The following COX15 variants were observed in gnomAD, a reference collection of about 807,000 sequenced individuals.
COX15 encodes cytochrome c oxidase assembly factor COX15.
COX15 carries 51 observed loss-of-function variants against 51.9 expected under a neutral mutation model. The ratio of observed to expected loss-of-function variants is 0.98; its 90% CI spans 0.78 to 1.24. The LOEUF is 1.24. COX15 is among the 50% of genes most tolerant of loss of function. COX15 has a pLI of 0.00. For missense variants in COX15, 420 were observed against 501.1 expected, an observed-to-expected ratio of 0.84 and a Z score of 1.55; for synonymous variants, 188 against 190.5, an observed-to-expected ratio of 0.99 and a Z score of 0.11.
At chr10:99,704,798 T>G in the COX15 span, 3 of 951,250 alleles carry the variant, frequency 3.2e-6, no homozygotes, top group Admixed American at 5.2e-5. Flanking sequence ...ATATTTGCCC[T>G]TGGAATTTCT....
the COX15 span, chr10:99,700,970 C>T: frequency 6.2e-7 from 1 of 1,613,264 alleles, no homozygotes; most frequent in Admixed American, 1.7e-5. Flanking sequence ...GTGGTTGATC[C>T]AGGATTACTG....
the COX15 span, chr10:99,702,481 T>C: frequency 2.7e-6 from 4 of 1,506,268 alleles, no homozygotes; most frequent in East Asian, 9.9e-5. Context: ...CTTTTCTCTT[T>C]TTTTAAAATT....
chr10:99,719,719 T>C (rs890144932), intron 6 of COX15, among the ~76,000 whole-genome samples: 1 of 152,050 alleles, frequency 6.6e-6, no homozygotes, highest in Non-Finnish European at 1.5e-5. Context: ...TTGAACTCCC[T>C]GGCTCAAGCA....
At chr10:99,719,367 G>A (rs568002673) in intron 6 of COX15, among the ~76,000 whole-genome samples, 87 of 151,604 alleles carry the variant, frequency 5.7e-4, no homozygotes, top group African/African-American at 1.8e-3. Flanking sequence ...CTATAGGTGC[G>A]CCCTTTGGTA....
chr10:99,723,978 G>A lies in COX15; in HGVS notation c.728C>T (p.Ser243Leu). The A allele has an allele frequency of 2.5e-6, 4 of 1,613,972 alleles. No individual in the cohort carries two copies. Among genetic ancestry groups the A allele is most frequent in the Non-Finnish European group, 3.4e-6 (4 of 1,180,034 alleles). Residue 243 changes from serine to leucine, a missense_variant, in exon 5 of 9, where the codon TCA (serine) becomes TTA (leucine). Ser to Leu is a moderately radical substitution (Grantham distance 145). Transcript: ENST00000016171. Reference sequence around the variant, plus strand: ...TACCTTGTGCGGAGGGAGTAGCAGTGACAGTGAGGTCCACAAGCTGGCACA... The same window carrying A: ...TACCTTGTGCGGAGGGAGTAGCAGTAACAGTGAGGTCCACAAGCTGGCACA... ...LYCASLWTSL[S>L]LLLPPHKLPE...
chr10:99,703,748 G>A, the COX15 span, among the ~76,000 whole-genome samples: 5 of 152,098 alleles, frequency 3.3e-5, no homozygotes, highest in Non-Finnish European at 5.9e-5. Context: ...ACAGGGTCTT[G>A]CTCTGTTGCC....
downstream of COX15, chr10:99,710,305 G>A (rs1249299379): frequency 6.1e-6 from 6 of 985,394 alleles, no homozygotes; most frequent in Non-Finnish European, 7.2e-6. Context: ...TAGTGTTTCA[G>A]TTACTATGTT....
At chr10:99,728,180 G>A (rs935817445) in intron 2 of COX15, among the ~76,000 whole-genome samples, 19 of 152,300 alleles carry the variant, frequency 1.2e-4, no homozygotes, top group African/African-American at 4.6e-4. Context: ...GGAACATCTT[G>A]TCATACTAGA....
chr10:99,715,639 TAAAA>T (rs573115316), intron 8 of COX15, among the ~76,000 whole-genome samples: 1 of 127,470 alleles, frequency 7.8e-6, no homozygotes. Context: ...ACTCCATCTC[TAAAA>T]AAAAAAAAAA....
At position 99,716,339 on chromosome 10, in the gene COX15, G is replaced by A. The variant is rs2036574164; in HGVS notation, c.1101+9C>T. ...GGATACTGTCAGAACAAAAAGAAGTGGTTTATACCTGTGTATACGCCAAAG... is the reference window on the plus strand; with the variant it reads ...GGATACTGTCAGAACAAAAAGAAGTAGTTTATACCTGTGTATACGCCAAAG... On this transcript the variant is annotated intron_variant, in intron 8 of 8. Transcript: ENST00000016171. The A allele has an allele frequency of 2.5e-6, 4 of 1,580,544 alleles. No homozygotes were observed. The East Asian group carries it at 8.9e-5, about 35-fold the overall frequency.
In COX15 at chr10:99,714,629, A is replaced by G. The variant is rs2133568007; in HGVS notation, c.1191T>C (p.Gly397=). ...HQSGSLALLT[G]ALWLMNELRR... is the part of the protein sequence containing the mutation. ...GGAGTTCATTCATCAGCCAAAGAGC[A>G]CCAGTGAGCAAAGCCAAGGAGCCTG... Residue 397 remains glycine (G), a synonymous_variant, in exon 9 of 9, where the codon GGT becomes GGC. Transcript: ENST00000016171. The G allele has an allele frequency of 6.2e-7, 1 of 1,614,170 alleles. No homozygotes were observed. Among genetic ancestry groups the G allele is most frequent in the Non-Finnish European group, 8.5e-7 (1 of 1,180,010 alleles).
At chr10:99,704,773 T>C in the COX15 span, 1 of 1,171,784 alleles carries the variant, frequency 8.5e-7, no homozygotes, top group South Asian at 1.4e-5. Context: ...GATGCTGTGA[T>C]GTCTGACCTT....
At chr10:99,726,940 TG>T in intron 4 of COX15, 27 bp downstream of exon 4, 1 of 1,603,824 alleles carries the variant, frequency 6.2e-7, no homozygotes, top group Non-Finnish European at 8.5e-7. Flanking sequence ...GGAGCATTTC[TG>T]GTTTCTCAAC....
chr10:99,732,000 T>A lies in COX15; in HGVS notation c.50A>T (p.Tyr17Phe). 1 of 1,613,068 alleles carries A rather than the reference T, an allele frequency of 6.2e-7. No homozygotes were observed. Among genetic ancestry groups the A allele is most frequent in the Non-Finnish European group, 8.5e-7 (1 of 1,179,754 alleles). ...TGCCCTAGGAGCCAGGAGCGGCAGA[T>A]ACTGCCTCCCCTTCAAGGCCCTCAA... Reference protein sequence around the residue: ...PPLRALKGRQYLPLLAPRAAP... With the variant: ...PPLRALKGRQFLPLLAPRAAP... The change falls in exon 1 of 9, where the codon TAT becomes TTT. Residue 17 changes from tyrosine to phenylalanine, a missense_variant. Coordinates refer to ENST00000016171, the MANE Select transcript of COX15 (RefSeq NM_078470.6).
chr10:99,700,406 GTGTGTGTA>G, the COX15 span, among the ~76,000 whole-genome samples: 1,372 of 8,448 alleles, frequency 0.16, 29 homozygotes, highest in African/African-American at 0.28. Context: ...GTGTGTGTGT[GTGTGTGTA>G]TGTGTGTGTG....
In COX15 at chr10:99,723,951, C is replaced by G; in HGVS notation, c.750+5G>C. On this transcript the variant is annotated splice_donor_5th_base_variant and intron_variant, in intron 5 of 8. Coordinates refer to ENST00000016171, the MANE Select transcript of COX15 (RefSeq NM_078470.6). ...TGAACACAGATATTTGCACACAACT[C>G]TTACCTTGTGCGGAGGGAGTAGCAG... The G allele has an allele frequency of 6.2e-7, 1 of 1,613,638 alleles. No individual in the cohort carries two copies. The highest frequency in any genetic ancestry group is 8.5e-7 in the Non-Finnish European group (1 of 1,179,986).
chr10:99,726,266 A>G (rs1026197686), intron 4 of COX15, among the ~76,000 whole-genome samples: 4 of 152,194 alleles, frequency 2.6e-5, no homozygotes, highest in Non-Finnish European at 4.4e-5. Flanking sequence ...AAGTTAGAAA[A>G]AGAGGAGAGA....
At chr10:99,726,236 C>A (rs1045780719) in intron 4 of COX15, among the ~76,000 whole-genome samples, 5 of 152,140 alleles carry the variant, frequency 3.3e-5, no homozygotes, top group Non-Finnish European at 7.4e-5. Flanking sequence ...GCACAGGGAT[C>A]CCTCTTTCCT....
the COX15 span, chr10:99,702,761 C>T: frequency 7.7e-7 from 1 of 1,304,404 alleles, no homozygotes; most frequent in South Asian, 1.7e-5. Context: ...TTTTTTTTAA[C>T]CAGCTTAGAA....
Sources: gnomAD v4.1 joint callset for allele counts (sites outside exome capture counted in the v4.1 genomes callset) on GRCh38, gnomAD v4.1.1 for gene constraint, MANE v1.5 for transcripts, NCBI Gene and HGNC (gene_info 2026-07-23, HGNC 2026-07-21) for gene names.